The following VPS54 variants were observed in gnomAD, a reference collection of about 807,000 sequenced individuals.
VPS54 encodes the protein vacuolar protein sorting-associated protein 54.
A neutral mutation model predicts 121.5 loss-of-function variants in VPS54; 45 were observed. The ratio of observed to expected loss-of-function variants is 0.37; its 90% CI spans 0.29 to 0.47. The LOEUF is 0.47. Ranked by LOEUF, VPS54 falls within the 20% of genes least tolerant of loss-of-function variation. The pLI, the probability that VPS54 is intolerant of heterozygous loss-of-function variation, is 0.99. For synonymous variants in VPS54, 371 were observed against 385.8 expected, an observed-to-expected ratio of 0.96 and a Z score of 0.45; for missense variants, 1,090 against 1,131.4, an observed-to-expected ratio of 0.96 and a Z score of 0.52.
intron 12 of VPS54, among the ~76,000 whole-genome samples, chr2:63,926,041 G>A (rs1419851760): frequency 6.6e-6 from 1 of 152,210 alleles, no homozygotes; most frequent in African/African-American, 2.4e-5. Flanking sequence ...TGGAAGGTGG[G>A]CTTAGTTCTA....
chr2:63,911,466 A>C (rs561841877), intron 20 of VPS54, among the ~76,000 whole-genome samples: 1 of 152,310 alleles, frequency 6.6e-6, no homozygotes, highest in African/African-American at 2.4e-5. Flanking sequence ...CGCTTTCATA[A>C]TAATATTATT....
chr2:63,996,715 T>C (rs1429448015), intron 1 of VPS54, among the ~76,000 whole-genome samples: 2 of 152,210 alleles, frequency 1.3e-5, no homozygotes, highest in Admixed American at 6.5e-5. Flanking sequence ...ATGGCCGCTC[T>C]GGGAGTGTCT....
intron 7 of VPS54, among the ~76,000 whole-genome samples, chr2:63,961,232 A>G (rs748195992): frequency 6.6e-6 from 1 of 152,082 alleles, no homozygotes; most frequent in African/African-American, 2.4e-5. Flanking sequence ...TGAATGAATC[A>G]ATCAATTGTT....
At chr2:63,944,035 A>G (rs1674861478) in intron 10 of VPS54, among the ~76,000 whole-genome samples, 1 of 151,832 alleles carries the variant, frequency 6.6e-6, no homozygotes, top group Admixed American at 6.6e-5. Flanking sequence ...CCTGGCCAAG[A>G]ATAGGAATTT....
chr2:63,933,853 T>C lies in VPS54; in HGVS notation c.1559A>G (p.Asp520Gly). The change falls in exon 12 of 23, where the codon GAT becomes GGT. Residue 520 changes from aspartate (D) to glycine (G), a missense_variant. This residue lies in a region of VPS54 where 801 missense variants were observed against 757.0 expected (regional missense o/e 1.06). Transcript: ENST00000272322. ...TGTTAGCTCACCCTCACCGAATGCA[T>C]CACTTATAAACATGCCTTCATGGAT... ...YLIHEGMFIS[D>G]AFGEGELTPI... The C allele has an allele frequency of 6.2e-7, 1 of 1,613,888 alleles. No individual in the cohort carries two copies. The highest frequency in any genetic ancestry group is 8.5e-7 in the Non-Finnish European group (1 of 1,179,872).
intron 20 of VPS54, among the ~76,000 whole-genome samples, chr2:63,901,807 G>A (rs1672689175): frequency 6.6e-6 from 1 of 152,128 alleles, no homozygotes; most frequent in Non-Finnish European, 1.5e-5. Context: ...CCTGAGGTCA[G>A]GAGTTTGAGA....
chr2:63,928,406 C>A (rs1020786613), intron 12 of VPS54, among the ~76,000 whole-genome samples: 34 of 152,272 alleles, frequency 2.2e-4, no homozygotes, highest in South Asian at 4.1e-4. Flanking sequence ...TCCAGCCAAA[C>A]TAAGCTTCAT....
At chr2:63,920,325 A>T in intron 14 of VPS54, 121 bp downstream of exon 14, 1 of 917,232 alleles carries the variant, frequency 1.1e-6, no homozygotes, top group Non-Finnish European at 1.5e-6. Flanking sequence ...ATCTGCCTTT[A>T]ATTAAAAAAA....
chr2:63,954,579 T>C (rs1553477813), intron 7 of VPS54, among the ~76,000 whole-genome samples: 4 of 152,100 alleles, frequency 2.6e-5, no homozygotes, highest in Non-Finnish European at 1.5e-5. Flanking sequence ...GGGATAGAAT[T>C]AGAGTATCAT....
At chr2:63,963,954 AT>A (rs896061084) in intron 6 of VPS54, among the ~76,000 whole-genome samples, 2 of 152,120 alleles carry the variant, frequency 1.3e-5, no homozygotes, top group African/African-American at 4.8e-5. Flanking sequence ...AGCACACTGT[AT>A]TTTTTTCAGA....
intron 7 of VPS54, among the ~76,000 whole-genome samples, chr2:63,956,642 T>G (rs1675507246): frequency 6.6e-6 from 1 of 152,212 alleles, no homozygotes; most frequent in Admixed American, 6.5e-5. Context: ...GTACTGTTAC[T>G]TAACTTGCTA....
chr2:63,994,688 A>G (rs1413578838), intron 1 of VPS54, among the ~76,000 whole-genome samples: 1 of 152,168 alleles, frequency 6.6e-6, no homozygotes, highest in African/African-American at 2.4e-5. Context: ...TTTCTCCTTT[A>G]AGACAAATGA....
chr2:64,001,605 C>T (rs1175899717), intron 1 of VPS54, among the ~76,000 whole-genome samples: 1 of 152,032 alleles, frequency 6.6e-6, no homozygotes, highest in Non-Finnish European at 1.5e-5. Flanking sequence ...AGGACTGGGT[C>T]CCTCCCTTCA....
intron 20 of VPS54, among the ~76,000 whole-genome samples, chr2:63,906,861 T>G (rs976823482): frequency 2.6e-5 from 4 of 152,144 alleles, no homozygotes; most frequent in African/African-American, 9.7e-5. Context: ...GATATAAAAT[T>G]TTATAGGGAA....
rs542618731 is a variant in VPS54 at position 63,983,745 on chromosome 2, C to T, written c.136+119G>A. On this transcript the variant is annotated intron_variant, in intron 2 of 22. Coordinates refer to ENST00000272322, the MANE Select transcript of VPS54 (RefSeq NM_016516.3). Reference sequence around the variant, plus strand: ...GCGTGAGCCACCGTGCCCGGCCCCCCCAAATGATTTTTAACATCATAAAAT... The same window carrying T: ...GCGTGAGCCACCGTGCCCGGCCCCCTCAAATGATTTTTAACATCATAAAAT... 14 of 1,345,788 alleles carry T rather than the reference C, an allele frequency of 1.0e-5. No homozygotes were observed. The African/African-American group carries it at 1.8e-4, about 17-fold the overall frequency. 83.4% of individuals were successfully genotyped at this position (1,345,788 alleles called of 1,614,324 possible). A position where few individuals can be genotyped will look rare whatever the true frequency, so the allele number is the denominator to read the frequency against.
chr2:63,994,756 GC>G (rs1358287170), intron 1 of VPS54, among the ~76,000 whole-genome samples: 4 of 152,138 alleles, frequency 2.6e-5, no homozygotes, highest in African/African-American at 9.7e-5. Flanking sequence ...GGAAAACCAT[GC>G]CCTAAAAATT....
At chr2:63,946,574 C>A (rs978845892) in intron 9 of VPS54, among the ~76,000 whole-genome samples, 4 of 151,980 alleles carry the variant, frequency 2.6e-5, no homozygotes, top group African/African-American at 9.7e-5. Flanking sequence ...TTTAAAAACT[C>A]ATATATGTAC....
intron 20 of VPS54, among the ~76,000 whole-genome samples, chr2:63,907,616 A>AAATTGCTCT (rs1484649390): frequency 6.6e-6 from 1 of 152,264 alleles, no homozygotes; most frequent in East Asian, 1.9e-4. Context: ...TCAAAATCAA[A>AAATTGCTCT]AATTGCTCTA....
At chr2:63,985,680 TACACACACACACACACACACACAC>T (rs3079061) in intron 1 of VPS54, among the ~76,000 whole-genome samples, 1 of 144,924 alleles carries the variant, frequency 6.9e-6, no homozygotes, top group South Asian at 2.2e-4. Context: ...TGACAAATTA[TACACACACACACACACACACACAC>T]ACACACACAC....
Sources: allele counts gnomAD v4.1 joint callset (sites outside exome capture counted in the v4.1 genomes callset), GRCh38; gene constraint gnomAD v4.1.1; regional missense constraint gnomAD v4.1.1; transcripts MANE v1.5; gene names NCBI Gene and HGNC (gene_info 2026-07-23, HGNC 2026-07-21).